The following KLF12 variants were observed in gnomAD, a reference collection of about 807,000 sequenced individuals.
KLF12 encodes the protein Krueppel-like factor 12.
In KLF12, 9 loss-of-function variants were observed where a neutral mutation model predicts 37.8. The ratio of observed to expected loss-of-function variants is 0.24; its 90% CI spans 0.14 to 0.42. The LOEUF (loss-of-function observed/expected upper bound fraction) is 0.42, where lower values mean the gene tolerates loss of function less well. KLF12 is among the 10% of genes least tolerant of loss of function. The probability of loss-of-function intolerance (pLI) is 1.00; values close to 1 mark genes in which losing one functional copy is unlikely to be tolerated. For synonymous variants in KLF12, 208 were observed against 202.1 expected, an observed-to-expected ratio of 1.03 and a Z score of -0.25; for missense variants, 411 against 516.0, an observed-to-expected ratio of 0.80 and a Z score of 1.97.
chr13:74,277,082 A>C, the KLF12 span, among the ~76,000 whole-genome samples: 1 of 152,172 alleles, frequency 6.6e-6, no homozygotes, highest in Non-Finnish European at 1.5e-5. Context: ...CAATAGCCTG[A>C]TGGCCTTGGC....
At chr13:74,264,415 T>G in the KLF12 span, among the ~76,000 whole-genome samples, 2 of 152,220 alleles carry the variant, frequency 1.3e-5, no homozygotes, top group Admixed American at 6.5e-5. Context: ...GTTGCCAAGT[T>G]AACACATTAC....
the KLF12 span, among the ~76,000 whole-genome samples, chr13:74,210,040 A>AT: frequency 6.6e-6 from 1 of 152,160 alleles, no homozygotes; most frequent in African/African-American, 2.4e-5. Flanking sequence ...GTTAATATTT[A>AT]TTTTTTATAT....
chr13:74,297,402 T>C, the KLF12 span, among the ~76,000 whole-genome samples: 1 of 152,224 alleles, frequency 6.6e-6, no homozygotes, highest in South Asian at 2.1e-4. Flanking sequence ...AATATGTCAC[T>C]GTGTATTCTG....
At chr13:73,880,903 T>A (rs1886948421) in intron 3 of KLF12, among the ~76,000 whole-genome samples, 1 of 152,208 alleles carries the variant, frequency 6.6e-6, no homozygotes, top group Non-Finnish European at 1.5e-5. Context: ...GACTAGACAA[T>A]GTTATTAGCA....
At position 73,710,378 on chromosome 13, in the gene KLF12, CTGTGTGTGTGTGTG is replaced by C. The variant is rs59799453; in HGVS notation, c.1027+4976_1027+4989del. Among the ~76,000 whole-genome samples the C allele has an allele frequency of 2.1e-3, 299 of 143,996 alleles. 1 individual carries two copies. The highest frequency in any genetic ancestry group is 3.8e-3 in the Non-Finnish European group (249 of 65,518). 94.5% of individuals were successfully genotyped at this position (143,996 alleles called of 152,430 possible). On this transcript the variant is annotated intron_variant, in intron 7 of 7. Transcript: ENST00000377669. Reference sequence around the variant, plus strand: ...CTTTATTGCATTTCGAAGATATTGTCTGTGTGTGTGTGTGTGTGTGTGTGTGTGTGTGTGTGTGT... The same window carrying C: ...CTTTATTGCATTTCGAAGATATTGTCTGTGTGTGTGTGTGTGTGTGTGTGT...
chr13:73,958,391 C>T (rs1890912846), intron 2 of KLF12, among the ~76,000 whole-genome samples: 1 of 151,968 alleles, frequency 6.6e-6, no homozygotes, highest in South Asian at 2.1e-4. Flanking sequence ...TACAGGCACA[C>T]ACCACCATGC....
At chr13:73,974,448 T>C (rs1891449646) in intron 2 of KLF12, among the ~76,000 whole-genome samples, 1 of 152,176 alleles carries the variant, frequency 6.6e-6, no homozygotes. Context: ...GTCTACAGAT[T>C]TCTAAGTGCA....
Position 73,943,660 on chromosome 13 carries a change from C to A in KLF12, c.123+321G>T, listed in dbSNP as rs182295039. On this transcript the variant is annotated intron_variant, in intron 3 of 7. Coordinates refer to ENST00000377669, the MANE Select transcript of KLF12 (RefSeq NM_007249.5). ...GATGACACTGAGGTTATAGTCCCAC[C>A]TTATTTTTTAATACTTCCTCTTTGC... Among the ~76,000 whole-genome samples, 156 of 152,290 alleles carry A rather than the reference C, an allele frequency of 1.0e-3. 1 individual carries two copies. The highest frequency in any genetic ancestry group is 2.9e-3 in the African/African-American group (120 of 41,574).
chr13:74,131,115 G>A (rs1428193411), intron 1 of KLF12, among the ~76,000 whole-genome samples: 3 of 152,132 alleles, frequency 2.0e-5, no homozygotes, highest in South Asian at 2.1e-4. Flanking sequence ...AAGCACTTAC[G>A]TTGTCTCTGC....
rs79250876 is a variant in KLF12, at chr13:74,103,566, G to C, written c.-32+30173C>G. On this transcript the variant is annotated intron_variant, in intron 1 of 7. Coordinates refer to ENST00000377669, the MANE Select transcript of KLF12 (RefSeq NM_007249.5). The stretch of plus-strand genomic sequence containing the variant: ...CACACCCCCCAGCGAATTCTGAAGC[G>C]CAAACTCCATATCTTCGGTTGGAGC... Among the ~76,000 whole-genome samples, 208 of 152,220 alleles carry C rather than the reference G, an allele frequency of 1.4e-3. 1 individual carries two copies. Among genetic ancestry groups the C allele is most frequent in the African/African-American group, 4.2e-3 (173 of 41,530 alleles).
At chr13:73,707,056 A>G (rs1309250085) in intron 7 of KLF12, among the ~76,000 whole-genome samples, 1 of 152,204 alleles carries the variant, frequency 6.6e-6, no homozygotes, top group African/African-American at 2.4e-5. Flanking sequence ...CTGAACAGGT[A>G]GGTACTGCTG....
At chr13:74,230,783 G>C in the KLF12 span, among the ~76,000 whole-genome samples, 6 of 152,094 alleles carry the variant, frequency 3.9e-5, no homozygotes, top group Non-Finnish European at 8.8e-5. Context: ...CTCTAAACCT[G>C]GTGCTTGTTT....
intron 6 of KLF12, among the ~76,000 whole-genome samples, chr13:73,730,251 A>T (rs1164836559): frequency 3.9e-5 from 6 of 152,048 alleles, no homozygotes; most frequent in Non-Finnish European, 8.8e-5. Flanking sequence ...CTTGCTGGGG[A>T]GCTCTCAGCT....
chr13:74,238,845 G>A, the KLF12 span, among the ~76,000 whole-genome samples: 1 of 151,592 alleles, frequency 6.6e-6, no homozygotes, highest in Non-Finnish European at 1.5e-5. Context: ...TTCTTTATTA[G>A]TCTTGCTAGC....
the KLF12 span, among the ~76,000 whole-genome samples, chr13:74,262,099 G>A: frequency 6.6e-6 from 1 of 152,300 alleles, no homozygotes; most frequent in Middle Eastern, 3.4e-3. Flanking sequence ...CAGAAGTGGT[G>A]TAAATAATCA....
At chr13:73,896,138 T>C (rs1285680945) in intron 3 of KLF12, among the ~76,000 whole-genome samples, 1 of 152,148 alleles carries the variant, frequency 6.6e-6, no homozygotes, top group Non-Finnish European at 1.5e-5. Flanking sequence ...TACAAAGTGA[T>C]GCAACAGAAG....
chr13:73,869,362 C>T (rs1164874654), intron 3 of KLF12, among the ~76,000 whole-genome samples: 1 of 152,016 alleles, frequency 6.6e-6, no homozygotes, highest in Non-Finnish European at 1.5e-5. Flanking sequence ...TGTCCACAAA[C>T]TAAAAAATAC....
the KLF12 span, among the ~76,000 whole-genome samples, chr13:74,221,452 C>A: frequency 2.0e-5 from 3 of 151,666 alleles, no homozygotes; most frequent in Non-Finnish European, 4.4e-5. Flanking sequence ...ATTTCTGTAG[C>A]CCATATTCTT....
chr13:74,242,656 G>C, the KLF12 span, among the ~76,000 whole-genome samples: 1 of 152,176 alleles, frequency 6.6e-6, no homozygotes, highest in African/African-American at 2.4e-5. Flanking sequence ...TTCTTTGTGA[G>C]TTTTAATTCT....
Sources: gnomAD v4.1 joint callset for allele counts (sites outside exome capture counted in the v4.1 genomes callset) on GRCh38, gnomAD v4.1.1 for gene constraint, MANE v1.5 for transcripts, NCBI Gene and HGNC (gene_info 2026-07-23, HGNC 2026-07-21) for gene names.